SLC67A2: variants seen among roughly 807,000 people sequenced by gnomAD.
SLC67A2 encodes the protein solute carrier family 67 member A2.
At chr2:102,736,813 C>A in the SLC67A2 span, 3 of 1,597,748 alleles carry the variant, frequency 1.9e-6, no homozygotes, top group Non-Finnish European at 2.6e-6. Flanking sequence ...AGCTCCATAC[C>A]CGCGCCGGCC....
At chr2:102,726,871 A>G in the SLC67A2 span, 1 of 1,611,872 alleles carries the variant, frequency 6.2e-7, no homozygotes, top group Non-Finnish European at 8.5e-7. Context: ...CAGGACAAAC[A>G]GAAACACATT....
At chr2:102,727,710 C>T in the SLC67A2 span, among the ~76,000 whole-genome samples, 1 of 152,138 alleles carries the variant, frequency 6.6e-6, no homozygotes, top group Non-Finnish European at 1.5e-5. Flanking sequence ...TCTATGCAGG[C>T]ATTTTTTTTA....
chr2:102,730,652 C>A, the SLC67A2 span, among the ~76,000 whole-genome samples: 6 of 151,760 alleles, frequency 4.0e-5, no homozygotes, highest in South Asian at 1.2e-3. Context: ...ACACCATTCT[C>A]CTGCCTCAGC....
the SLC67A2 span, among the ~76,000 whole-genome samples, chr2:102,735,909 T>C: frequency 6.6e-6 from 1 of 152,066 alleles, no homozygotes; most frequent in African/African-American, 2.4e-5. Context: ...ACACCCTTTG[T>C]CCAAAGGTAG....
chr2:102,717,597 C>G, the SLC67A2 span: 1 of 152,314 alleles, frequency 6.6e-6, no homozygotes, highest in African/African-American at 2.4e-5. Context: ...GGAACAGGTC[C>G]CAGGGGCCCG....
the SLC67A2 span, chr2:102,718,785 G>C: frequency 3.1e-6 from 5 of 1,613,830 alleles, no homozygotes; most frequent in South Asian, 5.5e-5. Context: ...GAATGCAGCA[G>C]CAGTGCCTGC....
chr2:102,736,380 A>G, the SLC67A2 span: 2 of 790,868 alleles, frequency 2.5e-6, no homozygotes, highest in Non-Finnish European at 3.7e-6. Context: ...TGAGGTTGGT[A>G]CCAGGGCTTC....
the SLC67A2 span, among the ~76,000 whole-genome samples, chr2:102,729,181 T>G: frequency 6.6e-6 from 1 of 152,190 alleles, no homozygotes; most frequent in African/African-American, 2.4e-5. Flanking sequence ...AGGTTTTCAT[T>G]AAATTTCAGC....
the SLC67A2 span, among the ~76,000 whole-genome samples, chr2:102,721,888 T>C: frequency 5.9e-5 from 9 of 152,166 alleles, no homozygotes; most frequent in Non-Finnish European, 1.2e-4. Context: ...AAAAATTTTT[T>C]GTAGACAGGG....
chr2:102,728,499 G>A, the SLC67A2 span, among the ~76,000 whole-genome samples: 1 of 152,158 alleles, frequency 6.6e-6, no homozygotes, highest in Non-Finnish European at 1.5e-5. Context: ...ACATAATGAT[G>A]TAAACTTCCT....
chr2:102,718,311 GA>G, the SLC67A2 span: 1 of 1,369,146 alleles, frequency 7.3e-7, no homozygotes, highest in Admixed American at 2.0e-5. Flanking sequence ...CACCCACCCG[GA>G]AATATTTCCC....
the SLC67A2 span, chr2:102,723,886 T>C: frequency 2.4e-4 from 384 of 1,614,016 alleles, no homozygotes; most frequent in Non-Finnish European, 2.9e-4. Context: ...GCCCTTGAGA[T>C]GGAGAGAGTG....
the SLC67A2 span, among the ~76,000 whole-genome samples, chr2:102,715,173 C>T: frequency 6.6e-6 from 1 of 152,220 alleles, no homozygotes. Context: ...AGTTAATCCT[C>T]CTTGCTGCGG....
At chr2:102,731,682 A>G in the SLC67A2 span, among the ~76,000 whole-genome samples, 5 of 152,312 alleles carry the variant, frequency 3.3e-5, no homozygotes, top group East Asian at 3.9e-4. Context: ...GATTTAACAA[A>G]TATTATGTAC....
chr2:102,732,375 A>C, the SLC67A2 span: 1 of 1,613,786 alleles, frequency 6.2e-7, no homozygotes, highest in Non-Finnish European at 8.5e-7. Flanking sequence ...ATGAAGGCTC[A>C]ATAAAGGCAC....
At chr2:102,735,001 C>T in the SLC67A2 span, among the ~76,000 whole-genome samples, 1 of 152,192 alleles carries the variant, frequency 6.6e-6, no homozygotes, top group Admixed American at 6.5e-5. Context: ...TGAACCAGCC[C>T]AAGTCCCTTC....
At chr2:102,736,293 TTC>T in the SLC67A2 span, among the ~76,000 whole-genome samples, 3 of 152,076 alleles carry the variant, frequency 2.0e-5, no homozygotes, top group African/African-American at 7.2e-5. Context: ...AGCTGGGCTT[TTC>T]CAAGCTTGCC....
chr2:102,730,959 T>C, the SLC67A2 span: 1 of 1,389,484 alleles, frequency 7.2e-7, no homozygotes, highest in South Asian at 1.2e-5. Context: ...CTATCACTTT[T>C]TGATAAACTT....
chr2:102,723,939 A>C, the SLC67A2 span: 1 of 1,574,836 alleles, frequency 6.3e-7, no homozygotes, highest in South Asian at 1.1e-5. Flanking sequence ...ATGCTCTGTA[A>C]CTTTTTCCAG....
Sources: gnomAD v4.1 joint callset for allele counts (sites outside exome capture counted in the v4.1 genomes callset) on GRCh38, gnomAD v4.1.1 for gene constraint, MANE v1.5 for transcripts, NCBI Gene and HGNC (gene_info 2026-07-23, HGNC 2026-07-21) for gene names.